Variants in CELF4 observed in about 807,000 individuals in gnomAD.
The protein encoded by CELF4 is CUG-BP- and ETR-3-like factor 4.
CELF4 carries 18 observed loss-of-function variants against 59.9 expected under a neutral mutation model. The ratio of observed to expected loss-of-function variants is 0.30; its 90% CI spans 0.21 to 0.45. CELF4 has a LOEUF of 0.45. CELF4 is among the 20% of genes least tolerant of loss of function. The pLI, the probability that CELF4 is intolerant of heterozygous loss-of-function variation, is 1.00. For synonymous variants in CELF4, 261 were observed against 267.1 expected (o/e 0.98, Z 0.22); for missense variants, 456 against 689.0 (o/e 0.66, Z 3.79).
intron 1 of CELF4, among the ~76,000 whole-genome samples, chr18:37,534,319 A>G (rs1258608756): frequency 3.3e-5 from 5 of 152,114 alleles, no homozygotes; most frequent in Non-Finnish European, 7.4e-5. Context: ...TGGCTTGGGC[A>G]GAAGGTGTCC....
chr18:37,274,812 G>T lies in CELF4; in HGVS notation c.650C>A (p.Thr217Asn). Residue 217 changes from threonine (T) to asparagine (N), a missense_variant, in exon 5 of 13, where the codon ACC (threonine) becomes AAC (asparagine). By Grantham distance (65) the Thr-to-Asn change is moderately conservative. This residue lies in a region of CELF4 where 56 missense variants were observed against 92.0 expected (regional missense o/e 0.61). Transcript: ENST00000420428. ...CAAGGGGCCAGCACTCACCGGCATG[G>T]TCTGGCTGCCGTGTAGCGCGTTGAT... is the stretch of plus-strand genomic sequence containing the variant. ...AAINALHGSQTMPGASSSLVV... is the reference protein window; with the variant it reads ...AAINALHGSQNMPGASSSLVV... 6.2e-7 allele frequency: 1 copy of T among 1,600,816 alleles called. No individual in the cohort carries two copies.
At chr18:37,561,661 C>T (rs2099986579) in intron 1 of CELF4, among the ~76,000 whole-genome samples, 2 of 152,060 alleles carry the variant, frequency 1.3e-5, no homozygotes, top group Admixed American at 1.3e-4. Context: ...GACACTGCCT[C>T]TTTTTGTTCT....
At chr18:37,500,574 C>A (rs1328147973) in intron 1 of CELF4, among the ~76,000 whole-genome samples, 2 of 149,816 alleles carry the variant, frequency 1.3e-5, no homozygotes, top group East Asian at 3.9e-4. Flanking sequence ...CACTTTGTCG[C>A]CCAGGCTGGA....
rs535419032 is a variant in CELF4, at chr18:37,310,686, C to T, written c.448+11117G>A. 6.6e-5 allele frequency among the ~76,000 whole-genome samples: 10 copies of T among 152,334 alleles called. No homozygotes were observed. The East Asian group carries it at 1.4e-3, about 21-fold the overall frequency. On this transcript the variant is annotated intron_variant, in intron 3 of 12. Transcript: ENST00000420428. ...CTGTCCCTGCACACCCTGCCATTCC[C>T]GTGTTTTATCAGGCTGTTCCCAGTG... is the stretch of plus-strand genomic sequence containing the variant.
chr18:37,482,377 G>C lies in CELF4; in HGVS notation c.369+3148C>G, dbSNP rs2099870254. ...GAGAGAGGCAGAGAGATTAGAAAAA[G>C]GGAGTCACTCTGCCTGGATTCTGGC... On this transcript the variant is annotated intron_variant, in intron 2 of 12. Coordinates refer to ENST00000420428, the MANE Select transcript of CELF4 (RefSeq NM_020180.4). 3.9e-5 allele frequency among the ~76,000 whole-genome samples: 6 copies of C among 152,318 alleles called. No individual in the cohort carries two copies. The South Asian group carries it at 1.2e-3, about 32-fold the overall frequency.
rs1356371517 is a variant in CELF4, at chr18:37,492,059, G to A, written c.287-6452C>T. 7.9e-5 allele frequency among the ~76,000 whole-genome samples: 12 copies of A among 152,286 alleles called. No homozygotes were observed. The East Asian group carries it at 2.3e-3, about 29-fold the overall frequency. On this transcript the variant is annotated intron_variant, in intron 1 of 12. Coordinates refer to ENST00000420428, the MANE Select transcript of CELF4 (RefSeq NM_020180.4). ...CCTCCTCCCACCCCAGCTGGGTCTT[G>A]CCTTGCTACTAATTGAATTACAGAA... is the stretch of plus-strand genomic sequence containing the variant.
chr18:37,485,443 G>C, intron 2 of CELF4, 82 bp downstream of exon 2: 1 of 813,650 alleles, frequency 1.2e-6, no homozygotes, highest in Non-Finnish European at 1.5e-6. Flanking sequence ...TCCTCTCCCC[G>C]CGCGCCGCGC....
At chr18:37,300,518 C>G (rs1334891178) in intron 3 of CELF4, among the ~76,000 whole-genome samples, 1 of 152,234 alleles carries the variant, frequency 6.6e-6, no homozygotes, top group South Asian at 2.1e-4. Flanking sequence ...AGCCACTGCT[C>G]CTGGCCTCCA....
At chr18:37,264,587 G>A (rs927529364) in intron 10 of CELF4, 87 bp downstream of exon 10, 48 of 1,154,194 alleles carry the variant, frequency 4.2e-5, no homozygotes, top group South Asian at 7.9e-5. Flanking sequence ...CCTTTCCAAC[G>A]CACACCCCAG....
chr18:37,491,826 G>A (rs1040710538), intron 1 of CELF4, among the ~76,000 whole-genome samples: 5 of 152,306 alleles, frequency 3.3e-5, no homozygotes, highest in South Asian at 2.1e-4. Flanking sequence ...GAAGGTGGGC[G>A]GTGCCCTCTC....
intron 1 of CELF4, among the ~76,000 whole-genome samples, chr18:37,545,367 T>C (rs779164970): frequency 6.6e-6 from 1 of 152,092 alleles, no homozygotes; most frequent in Non-Finnish European, 1.5e-5. Flanking sequence ...GAGCCAGAGG[T>C]GGGCTGGGGC....
At chr18:37,506,085 G>GC (rs1165678338) in intron 1 of CELF4, among the ~76,000 whole-genome samples, 2 of 66,878 alleles carry the variant, frequency 3.0e-5, no homozygotes, top group Non-Finnish European at 5.5e-5. Flanking sequence ...CCCCAACGCC[G>GC]CCCCCCTGTT....
intron 1 of CELF4, among the ~76,000 whole-genome samples, chr18:37,556,852 C>A (rs556307812): frequency 1.1e-3 from 166 of 152,292 alleles, no homozygotes; most frequent in Admixed American, 1.8e-3. Flanking sequence ...GTATGGCATT[C>A]AAATCTGCCT....
At position 37,379,507 on chromosome 18, in the gene CELF4, C is replaced by CAAAA. The variant is rs56250210; in HGVS notation, c.370-57630_370-57627dup. Among the ~76,000 whole-genome samples, 180 of 45,686 alleles carry CAAAA rather than the reference C, an allele frequency of 3.9e-3. 13 individuals carry two copies. Among genetic ancestry groups the CAAAA allele is most frequent in the African/African-American group, 9.0e-3 (95 of 10,578 alleles). 30.0% of individuals were successfully genotyped at this position (45,686 alleles called of 152,430 possible). On this transcript the variant is annotated intron_variant, in intron 2 of 12. Coordinates refer to ENST00000420428, the MANE Select transcript of CELF4 (RefSeq NM_020180.4). ...GGCATCACAAATAAGAGGCCATAAG[C>CAAAA]AAAAAAAAAAAAAAAAAAAAAAAAA... is the stretch of plus-strand genomic sequence containing the variant.
intron 2 of CELF4, among the ~76,000 whole-genome samples, chr18:37,369,253 G>A (rs1330104567): frequency 2.0e-5 from 3 of 152,142 alleles, no homozygotes; most frequent in African/African-American, 7.2e-5. Context: ...ATGGTGGGGG[G>A]GTGGGCAGCG....
chr18:37,326,225 G>T (rs114352783), intron 2 of CELF4, among the ~76,000 whole-genome samples: 1 of 152,178 alleles, frequency 6.6e-6, no homozygotes, highest in East Asian at 1.9e-4. Context: ...AGAGCAGAGG[G>T]GTCAGGGGAA....
chr18:37,432,324 C>T (rs908525357), intron 2 of CELF4, among the ~76,000 whole-genome samples: 1 of 152,250 alleles, frequency 6.6e-6, no homozygotes, highest in African/African-American at 2.4e-5. Context: ...AGGCCCCCAA[C>T]TCCCAGCACA....
intron 3 of CELF4, among the ~76,000 whole-genome samples, chr18:37,302,825 G>C (rs1022091443): frequency 1.3e-5 from 2 of 152,174 alleles, no homozygotes; most frequent in Non-Finnish European, 2.9e-5. Context: ...CTGGCTGGTT[G>C]CAACAGCTCC....
At chr18:37,409,675 G>GAACCTGGCAGGTGACAA (rs2099418276) in intron 2 of CELF4, among the ~76,000 whole-genome samples, 2 of 152,268 alleles carry the variant, frequency 1.3e-5, no homozygotes, top group Admixed American at 6.5e-5. Flanking sequence ...ATGGGTGACA[G>GAACCTGGCAGGTGACAA]AACCTGGCAG....
Sources: gnomAD v4.1 joint callset for allele counts (sites outside exome capture counted in the v4.1 genomes callset) on GRCh38, gnomAD v4.1.1 for gene constraint, gnomAD v4.1.1 regional missense constraint, MANE v1.5 for transcripts, NCBI Gene and HGNC (gene_info 2026-07-23, HGNC 2026-07-21) for gene names.